The following AGO2 variants were observed in gnomAD, a reference collection of about 807,000 sequenced individuals.
AGO2 encodes the protein argonaute RISC catalytic component 2.
In AGO2, 5 loss-of-function variants were observed where a neutral mutation model predicts 102.3. That is an observed-to-expected ratio of 0.05 (90% CI 0.03 to 0.10). AGO2 has a LOEUF of 0.10. Ranked by LOEUF, AGO2 falls within the 10% of genes least tolerant of loss-of-function variation. AGO2 has a pLI of 1.00. For synonymous variants in AGO2, 449 were observed against 473.1 expected (o/e 0.95, Z 0.66); for missense variants, 541 against 1,183.7 (o/e 0.46, Z 7.97).
intron 1 of AGO2, among the ~76,000 whole-genome samples, chr8:140,595,570 T>C (rs566307277): frequency 1.9e-4 from 27 of 144,550 alleles, no homozygotes; most frequent in African/African-American, 6.4e-4. Flanking sequence ...GCCTCCCAAA[T>C]AGCTGGGACT....
At chr8:140,552,674 G>GCACA (rs148826477) in intron 10 of AGO2, among the ~76,000 whole-genome samples, 5 of 150,192 alleles carry the variant, frequency 3.3e-5, no homozygotes, top group East Asian at 1.9e-4. Flanking sequence ...GACAGGGAGT[G>GCACA]CACACACACA....
At chr8:140,597,480 C>CCCA (rs2073864532) in intron 1 of AGO2, among the ~76,000 whole-genome samples, 2 of 132,126 alleles carry the variant, frequency 1.5e-5, no homozygotes, top group African/African-American at 2.7e-5. Flanking sequence ...CCCCACCCCC[C>CCCA]CCCCCCCGCC....
Position 140,589,350 on chromosome 8 carries a change from G to A in AGO2, c.23-4039C>T, listed in dbSNP as rs911180584. 2.0e-5 allele frequency among the ~76,000 whole-genome samples: 3 copies of A among 152,096 alleles called. No individual in the cohort carries two copies. The highest frequency in any genetic ancestry group is 2.9e-5 in the Non-Finnish European group (2 of 68,004). ...CTTCCGTGAAGCCGCTTTGGCTACCGGCGGGTGAACCACAGGCCCGGGTCA... is the reference window on the plus strand; with the variant it reads ...CTTCCGTGAAGCCGCTTTGGCTACCAGCGGGTGAACCACAGGCCCGGGTCA... On this transcript the variant is annotated intron_variant, in intron 1 of 18. Transcript: ENST00000220592. This position sits in a 1 kb window ranked among gnomAD's most constrained non-coding sequence, Gnocchi z 4.2.
At chr8:140,614,015 CAAA>C (rs59000809) in intron 1 of AGO2, among the ~76,000 whole-genome samples, 2,200 of 57,592 alleles carry the variant, frequency 0.038, 70 homozygotes, top group African/African-American at 0.15. Context: ...GACCCTGTCT[CAAA>C]AAAAAAAAAA....
At chr8:140,611,902 G>A (rs2074082768) in intron 1 of AGO2, among the ~76,000 whole-genome samples, 1 of 152,164 alleles carries the variant, frequency 6.6e-6, no homozygotes, top group Non-Finnish European at 1.5e-5. Flanking sequence ...ACCACCATGA[G>A]CTTCAAGCTT....
intron 3 of AGO2, among the ~76,000 whole-genome samples, chr8:140,571,800 C>T (rs1003210110): frequency 6.6e-6 from 1 of 152,166 alleles, no homozygotes; most frequent in Non-Finnish European, 1.5e-5. Context: ...GGTTGGAGTG[C>T]AGTGGCACGA....
In AGO2 at chr8:140,635,596, C is replaced by T. The variant is rs949416256; in HGVS notation, c.-90G>A. 3 of 893,252 alleles carry T rather than the reference C, an allele frequency of 3.4e-6. No individual in the cohort carries two copies. Among genetic ancestry groups the T allele is most frequent in the African/African-American group, 1.8e-5 (1 of 54,760 alleles). The allele number at this position is 893,252 out of a possible 1,614,324, so 55.3% of individuals were successfully genotyped here. A position where few individuals can be genotyped will look rare whatever the true frequency, so the allele number is the denominator to read the frequency against. On this transcript the variant is annotated 5_prime_UTR_variant, in exon 1 of 19. Coordinates refer to ENST00000220592, the MANE Select transcript of AGO2 (RefSeq NM_012154.5). ...CGCGAGCCGCGAGGGAGCCGCCGGC[C>T]GCACGATCCGCCCCGGCGCGGCCGC...
intron 13 of AGO2, among the ~76,000 whole-genome samples, chr8:140,545,182 T>C (rs2072877669): frequency 6.6e-6 from 1 of 152,130 alleles, no homozygotes; most frequent in South Asian, 2.1e-4. Context: ...ATCGCCTGCC[T>C]TGCGGCAGAG....
chr8:140,532,424 T>C lies in AGO2; in HGVS notation c.2463A>G (p.Glu821=). Residue 821 remains glutamate (E), a synonymous_variant, in exon 18 of 19, where the codon GAA becomes GAG. Coordinates refer to ENST00000220592, the MANE Select transcript of AGO2 (RefSeq NM_012154.5). ...FRARYHLVDK[E]HDSAEGSHTS... ...CCAGGCATGCCACTCACCTGTCATG[T>C]TCCTTATCCACCAGGTGGTACCTGG... 1 of 1,613,356 alleles carries C rather than the reference T, an allele frequency of 6.2e-7. No individual in the cohort carries two copies. Among genetic ancestry groups the C allele is most frequent in the Non-Finnish European group, 8.5e-7 (1 of 1,179,796 alleles).
chr8:140,615,918 A>C (rs534293164), intron 1 of AGO2, among the ~76,000 whole-genome samples: 1 of 152,374 alleles, frequency 6.6e-6, no homozygotes, highest in South Asian at 2.1e-4. Flanking sequence ...GTCACTTAAA[A>C]GAACAAAAGA....
At position 140,530,707 on chromosome 8, in the gene AGO2, G is replaced by A. The variant is rs1031888440; in HGVS notation, c.*1337C>T. On this transcript the variant is annotated 3_prime_UTR_variant, in exon 19 of 19. Transcript: ENST00000220592. ...CCTTGGGCCTCCCAGGGCCAGGCAA[G>A]CTCCTTCGCTGTGACCGACGGCCTC... The A allele has an allele frequency of 6.6e-6, 1 of 152,314 alleles. No individual in the cohort carries two copies. The highest frequency in any genetic ancestry group is 2.4e-5 in the African/African-American group (1 of 41,462). The allele number at this position is 152,314 out of a possible 1,614,324, so 9.4% of individuals were successfully genotyped here.
intron 1 of AGO2, among the ~76,000 whole-genome samples, chr8:140,590,384 A>G (rs1588484746): frequency 6.6e-6 from 1 of 152,362 alleles, no homozygotes; most frequent in East Asian, 1.9e-4. Context: ...TGGCCACAGA[A>G]GCTGCCCAAA....
At chr8:140,552,864 C>T (rs976376969) in intron 10 of AGO2, among the ~76,000 whole-genome samples, 5 of 152,234 alleles carry the variant, frequency 3.3e-5, no homozygotes, top group East Asian at 3.8e-4. Context: ...GCCCTGTAGG[C>T]GATCCCACTC....
Position 140,574,355 on chromosome 8 carries a change from G to A in AGO2, c.216-1423C>T, listed in dbSNP as rs367803461. ...CTGCTCACTGCAGCCTTGACCTCCCGGGCAGAGGCAATCCTCCCATCCCAG... is the reference window on the plus strand; with the variant it reads ...CTGCTCACTGCAGCCTTGACCTCCCAGGCAGAGGCAATCCTCCCATCCCAG... On this transcript the variant is annotated intron_variant, in intron 2 of 18. Transcript: ENST00000220592. Among the ~76,000 whole-genome samples, 31 of 152,156 alleles carry A rather than the reference G, an allele frequency of 2.0e-4. 1 individual carries two copies. In the South Asian group the frequency reaches 4.2e-3, roughly 20 times the overall value.
chr8:140,589,604 A>G lies in AGO2; in HGVS notation c.23-4293T>C, dbSNP rs1330551773. Among the ~76,000 whole-genome samples, 1 of 152,128 alleles carries G rather than the reference A, an allele frequency of 6.6e-6. No homozygotes were observed. The highest frequency in any genetic ancestry group is 1.5e-5 in the Non-Finnish European group (1 of 68,002). On this transcript the variant is annotated intron_variant, in intron 1 of 18. Coordinates refer to ENST00000220592, the MANE Select transcript of AGO2 (RefSeq NM_012154.5). This position sits in a 1 kb window ranked among gnomAD's most constrained non-coding sequence, Gnocchi z 4.2. ...CATGCTTCCCGATGGTCCTCCTAGA[A>G]CTCTGCATTCATTACACTGGGCATC...
chr8:140,594,318 A>C (rs1004432953), intron 1 of AGO2, among the ~76,000 whole-genome samples: 3 of 152,264 alleles, frequency 2.0e-5, no homozygotes, highest in African/African-American at 7.2e-5. Context: ...TACAAAATAA[A>C]TTTCAAATAG....
At position 140,539,903 on chromosome 8, in the gene AGO2, A is replaced by G. The variant is rs1487308845; in HGVS notation, c.2035-449T>C. Among the ~76,000 whole-genome samples the G allele has an allele frequency of 6.6e-6, 1 of 152,176 alleles. No homozygotes were observed. Among genetic ancestry groups the G allele is most frequent in the Non-Finnish European group, 1.5e-5 (1 of 68,020 alleles). The stretch of plus-strand genomic sequence containing the variant: ...AGAGATCGAGATCATCCTGGCCAAC[A>G]TGGTGAAACCCCATTTCTACTAAAA... On this transcript the variant is annotated intron_variant, in intron 15 of 18. Transcript: ENST00000220592. The surrounding 1 kb of genome is among the most constrained non-coding windows in gnomAD (Gnocchi z 4.7).
At position 140,585,329 on chromosome 8, in the gene AGO2, A is replaced by C. The variant is rs1164192880; in HGVS notation, c.23-18T>G. ...TGCAAGTGCTGGAATGGCAGAGAGA[A>C]CACCCATTAACGGGGGAGCAGGCTT... is the stretch of plus-strand genomic sequence containing the variant. On this transcript the variant is annotated intron_variant, in intron 1 of 18. Transcript: ENST00000220592. The C allele has an allele frequency of 1.2e-6, 2 of 1,609,880 alleles. No homozygotes were observed. Among genetic ancestry groups the C allele is most frequent in the African/African-American group, 2.7e-5 (2 of 74,818 alleles).
At chr8:140,532,283 G>T in intron 18 of AGO2, 131 bp from the exon 19 acceptor site, 1 of 1,369,046 alleles carries the variant, frequency 7.3e-7, no homozygotes, top group Non-Finnish European at 1.0e-6. Flanking sequence ...TGACGGCCGT[G>T]CCATTAACAG....
Sources: gnomAD v4.1 joint callset for allele counts (sites outside exome capture counted in the v4.1 genomes callset) on GRCh38, gnomAD v4.1.1 for gene constraint, Gnocchi (gnomAD v3.1) non-coding constraint, MANE v1.5 for transcripts, NCBI Gene and HGNC (gene_info 2026-07-23, HGNC 2026-07-21) for gene names.